The following SUMF1 variants were observed in gnomAD, a reference collection of about 807,000 sequenced individuals.
The protein encoded by SUMF1 is formylglycine-generating enzyme.
Under a neutral mutation model 47.6 loss-of-function variants are expected in SUMF1, and 48 were observed. The observed-to-expected ratio is 1.01, with a 90% CI of 0.80 to 1.28. The LOEUF is 1.28. Ranked by LOEUF, SUMF1 falls within the 50% of genes most tolerant of loss-of-function variation. The pLI is 0.00. For synonymous variants in SUMF1, 230 were observed against 192.1 expected (o/e 1.20, Z -1.63); for missense variants, 571 against 485.4 (o/e 1.18, Z -1.66).
rs533338413 is a variant in SUMF1, at chr3:4,254,079, A to C, written c.1014+122251T>G. On this transcript the variant is annotated intron_variant and NMD_transcript_variant, in intron 8 of 12. Coordinates refer to the SUMF1 transcript ENST00000448413. ...TGTCTGTTAGAAGGAAAACTAACAA[A>C]CAGAAAGGACATCCACACCGAAAAC... is the stretch of plus-strand genomic sequence containing the variant. Among the ~76,000 whole-genome samples, 336 of 151,718 alleles carry C rather than the reference A, an allele frequency of 2.2e-3. 6 individuals are homozygous for C. The highest frequency in any genetic ancestry group is 3.4e-3 in the Middle Eastern group (1 of 294).
chr3:4,368,489 A>G (rs1334213392), intron 8 of SUMF1, among the ~76,000 whole-genome samples: 1 of 152,130 alleles, frequency 6.6e-6, no homozygotes, highest in Non-Finnish European at 1.5e-5. Flanking sequence ...ATTACTGGGT[A>G]TATACCCAAA....
intron 8 of SUMF1, among the ~76,000 whole-genome samples, chr3:4,248,385 C>T (rs1004109971): frequency 2.0e-5 from 3 of 152,158 alleles, no homozygotes; most frequent in African/African-American, 7.2e-5. Flanking sequence ...AAACCAGTAC[C>T]TCATTAATTC....
chr3:4,136,691 A>AG, intron 8 of SUMF1, among the ~76,000 whole-genome samples: 2 of 148,036 alleles, frequency 1.4e-5, no homozygotes, highest in African/African-American at 5.0e-5. Context: ...GGCAACCTAC[A>AG]ACATGGGAGA....
chr3:4,465,466 A>T (rs1030839483), intron 1 of SUMF1, among the ~76,000 whole-genome samples: 1 of 151,724 alleles, frequency 6.6e-6, no homozygotes, highest in African/African-American at 2.4e-5. Context: ...TGACAGAGCG[A>T]GACTCCGTCT....
At chr3:4,147,868 A>G (rs368070541) in intron 8 of SUMF1, among the ~76,000 whole-genome samples, 1 of 152,138 alleles carries the variant, frequency 6.6e-6, no homozygotes, top group South Asian at 2.1e-4. Flanking sequence ...TAAGTTAGTC[A>G]GCTAGCCATT....
chr3:4,164,072 A>G (rs1321120020), intron 8 of SUMF1, among the ~76,000 whole-genome samples: 1 of 152,172 alleles, frequency 6.6e-6, no homozygotes, highest in Non-Finnish European at 1.5e-5. Context: ...CCCCATATTC[A>G]TATAGATAAT....
chr3:4,172,352 T>A (rs1486704639), intron 8 of SUMF1, among the ~76,000 whole-genome samples: 1 of 152,156 alleles, frequency 6.6e-6, no homozygotes, highest in Non-Finnish European at 1.5e-5. Context: ...TTAGACACGT[T>A]GAGTTTTTAA....
chr3:4,295,481 G>C (rs542281510), intron 8 of SUMF1, among the ~76,000 whole-genome samples: 2 of 152,038 alleles, frequency 1.3e-5, no homozygotes, highest in Non-Finnish European at 2.9e-5. Context: ...GGAAGATCTA[G>C]TACTCTAGAA....
At chr3:4,128,034 C>G (rs1188282684) in intron 8 of SUMF1, among the ~76,000 whole-genome samples, 4 of 152,144 alleles carry the variant, frequency 2.6e-5, no homozygotes, top group Non-Finnish European at 5.9e-5. Context: ...CATAATGAAG[C>G]AGGTTAGTTG....
At chr3:4,291,511 G>C (rs1697743111) in intron 8 of SUMF1, among the ~76,000 whole-genome samples, 1 of 152,028 alleles carries the variant, frequency 6.6e-6, no homozygotes, top group Non-Finnish European at 1.5e-5. Context: ...CTTTGTTCCA[G>C]AAAAGGTTTG....
At chr3:4,434,855 G>A (rs761590099) in intron 3 of SUMF1, among the ~76,000 whole-genome samples, 32 of 152,106 alleles carry the variant, frequency 2.1e-4, no homozygotes, top group African/African-American at 6.3e-4. Flanking sequence ...CCAGAGACCC[G>A]ATACTGGAGG....
At chr3:4,430,929 C>A (rs1000034758) in intron 3 of SUMF1, among the ~76,000 whole-genome samples, 5 of 152,120 alleles carry the variant, frequency 3.3e-5, no homozygotes, top group Non-Finnish European at 5.9e-5. Flanking sequence ...AAAACTTGGG[C>A]ATCAACATTT....
chr3:4,271,605 G>T (rs1697306354), intron 8 of SUMF1, among the ~76,000 whole-genome samples: 2 of 152,102 alleles, frequency 1.3e-5, no homozygotes, highest in Non-Finnish European at 2.9e-5. Flanking sequence ...AGGCTCAAGT[G>T]ATTCTCCCGC....
intron 8 of SUMF1, among the ~76,000 whole-genome samples, chr3:4,244,639 G>A (rs1452009544): frequency 6.6e-6 from 1 of 152,158 alleles, no homozygotes; most frequent in Non-Finnish European, 1.5e-5. Context: ...TTCGTCTGAT[G>A]GGCTTCCCTT....
chr3:4,135,312 G>A (rs1160310823), intron 8 of SUMF1, among the ~76,000 whole-genome samples: 3 of 152,008 alleles, frequency 2.0e-5, no homozygotes, highest in Non-Finnish European at 2.9e-5. Context: ...TGCAAGGCTG[G>A]TTCAACATAT....
chr3:4,420,760 G>A (rs1435436942), intron 3 of SUMF1, among the ~76,000 whole-genome samples: 2 of 152,014 alleles, frequency 1.3e-5, no homozygotes, highest in African/African-American at 4.8e-5. Flanking sequence ...AAGTGAGACA[G>A]GTAGTGCTGC....
At chr3:4,218,732 G>A (rs1305339589) in intron 8 of SUMF1, among the ~76,000 whole-genome samples, 2 of 152,168 alleles carry the variant, frequency 1.3e-5, no homozygotes, top group African/African-American at 4.8e-5. Flanking sequence ...TACAGGCAAT[G>A]AGCATAGTTT....
chr3:4,079,354 T>C lies in SUMF1; in HGVS notation c.1015-10609A>G, dbSNP rs139701430. 1.2e-3 allele frequency among the ~76,000 whole-genome samples: 186 copies of C among 152,160 alleles called. 1 individual carries two copies. The highest frequency in any genetic ancestry group is 6.7e-3 in the Admixed American group (103 of 15,286). ...ACCTCACATGCCCATTTTGATCTGA[T>C]CGATTGGTAGTAGATGCCTGGAGTG... On this transcript the variant is annotated intron_variant and NMD_transcript_variant, in intron 8 of 12. Coordinates refer to the SUMF1 transcript ENST00000448413.
chr3:4,243,423 A>G (rs1010568884), intron 8 of SUMF1, among the ~76,000 whole-genome samples: 1 of 152,164 alleles, frequency 6.6e-6, no homozygotes, highest in African/African-American at 2.4e-5. Context: ...CCCTCTATAC[A>G]CTGCTTTAAA....
Sources: gnomAD v4.1 joint callset for allele counts (sites outside exome capture counted in the v4.1 genomes callset) on GRCh38, gnomAD v4.1.1 for gene constraint, MANE v1.5 for transcripts, NCBI Gene and HGNC (gene_info 2026-07-23, HGNC 2026-07-21) for gene names.